The following CAMKMT variants were observed in gnomAD, a reference collection of about 807,000 sequenced individuals.
The protein encoded by CAMKMT is calmodulin-lysine N-methyltransferase.
Under a neutral mutation model 48.0 loss-of-function variants are expected in CAMKMT, and 53 were observed. That is an observed-to-expected ratio of 1.10 (90% confidence interval 0.89 to 1.39). CAMKMT has a LOEUF of 1.39. Among genes scored for constraint, CAMKMT ranks in the 40% most tolerant of loss-of-function variants. The pLI is 0.00. For synonymous variants in CAMKMT, 165 were observed against 152.3 expected (o/e 1.08, Z -0.61); for missense variants, 428 against 402.7 (o/e 1.06, Z -0.54).
chr2:44,471,499 T>C (rs1572593457), intron 3 of CAMKMT, among the ~76,000 whole-genome samples: 1 of 151,046 alleles, frequency 6.6e-6, no homozygotes, highest in Non-Finnish European at 1.5e-5. Context: ...ACTAGGGAGG[T>C]TGAGGTAGGT....
chr2:44,376,592 G>T (rs1360390964), intron 2 of CAMKMT, among the ~76,000 whole-genome samples: 1 of 152,010 alleles, frequency 6.6e-6, no homozygotes, highest in African/African-American at 2.4e-5. Context: ...TATTAGTTTT[G>T]TCTATCTTAA....
chr2:44,666,467 T>C (rs1674974955), intron 3 of CAMKMT, among the ~76,000 whole-genome samples: 1 of 152,094 alleles, frequency 6.6e-6, no homozygotes, highest in Admixed American at 6.6e-5. Flanking sequence ...CAGCCTGGTG[T>C]CCTTAACTTC....
At chr2:44,730,289 T>A (rs1679011979) in intron 7 of CAMKMT, among the ~76,000 whole-genome samples, 1 of 152,226 alleles carries the variant, frequency 6.6e-6, no homozygotes. Flanking sequence ...TAAGATCACA[T>A]GCAGTTCCAC....
intron 3 of CAMKMT, among the ~76,000 whole-genome samples, chr2:44,524,227 T>TA (rs1193460748): frequency 6.6e-6 from 1 of 151,976 alleles, no homozygotes; most frequent in Non-Finnish European, 1.5e-5. Flanking sequence ...ACATAGAATA[T>TA]AAAAAAATTG....
At chr2:44,548,694 C>T (rs921797659) in intron 3 of CAMKMT, among the ~76,000 whole-genome samples, 6 of 152,122 alleles carry the variant, frequency 3.9e-5, no homozygotes, top group African/African-American at 1.4e-4. Flanking sequence ...GAAGGATTTG[C>T]TGGCTTGAAG....
In CAMKMT at chr2:44,672,465, T is replaced by C. The variant is rs922550110; in HGVS notation, c.377-31818T>C. On this transcript the variant is annotated intron_variant, in intron 3 of 10. Transcript: ENST00000378494. ...ACATTTGCTGAGCCCCTCTTGAATT[T>C]ACTTTTGCAGAACAAGACCATTTGT... is the stretch of plus-strand genomic sequence containing the variant. Among the ~76,000 whole-genome samples the C allele has an allele frequency of 3.3e-5, 5 of 152,238 alleles. No individual in the cohort carries two copies. In the South Asian group the frequency reaches 1.0e-3, roughly 31 times the overall value.
chr2:44,652,693 T>C (rs1242101386), intron 3 of CAMKMT, among the ~76,000 whole-genome samples: 1 of 152,196 alleles, frequency 6.6e-6, no homozygotes, highest in East Asian at 1.9e-4. Flanking sequence ...ACAATCAACA[T>C]ATCCTTTAAG....
At chr2:44,434,622 C>T (rs376482268) in intron 3 of CAMKMT, among the ~76,000 whole-genome samples, 1 of 152,008 alleles carries the variant, frequency 6.6e-6, no homozygotes, top group Non-Finnish European at 1.5e-5. Context: ...ATATTGTCTC[C>T]CCAAGATCAA....
chr2:44,496,611 A>G (rs1011590595), intron 3 of CAMKMT, among the ~76,000 whole-genome samples: 5 of 152,250 alleles, frequency 3.3e-5, no homozygotes, highest in Non-Finnish European at 5.9e-5. Context: ...ACTTCTGAAC[A>G]TGAGATAACC....
chr2:44,557,687 T>C (rs1264109394), intron 3 of CAMKMT, among the ~76,000 whole-genome samples: 1 of 152,260 alleles, frequency 6.6e-6, no homozygotes, highest in African/African-American at 2.4e-5. Context: ...AATAGAAGAA[T>C]GGTTAGCACC....
At chr2:44,633,795 C>T (rs1213059178) in intron 3 of CAMKMT, among the ~76,000 whole-genome samples, 1 of 151,990 alleles carries the variant, frequency 6.6e-6, no homozygotes, top group East Asian at 1.9e-4. Flanking sequence ...CTTCTTTAAA[C>T]ATCTAGTAAG....
intron 3 of CAMKMT, among the ~76,000 whole-genome samples, chr2:44,444,190 C>T (rs370826242): frequency 2.0e-4 from 30 of 152,252 alleles, no homozygotes; most frequent in East Asian, 1.4e-3. Flanking sequence ...TTCCCAGCAC[C>T]GTGTTGGATA....
Position 44,528,576 on chromosome 2 carries a change from T to A in CAMKMT, c.376+138271T>A, listed in dbSNP as rs149010605. On this transcript the variant is annotated intron_variant, in intron 3 of 10. Coordinates refer to ENST00000378494, the MANE Select transcript of CAMKMT (RefSeq NM_024766.5). ...TGCTAATTCCTTAATACCACCAGAT[T>A]GGTAATCATTATTTAAATTCCCCCA... 5.6e-3 allele frequency among the ~76,000 whole-genome samples: 858 copies of A among 152,338 alleles called. 2 individuals carry two copies. Among genetic ancestry groups the A allele is most frequent in the Non-Finnish European group, 1.0e-2 (680 of 68,020 alleles).
chr2:44,740,242 C>A (rs1460513448), intron 7 of CAMKMT, among the ~76,000 whole-genome samples: 1 of 151,484 alleles, frequency 6.6e-6, no homozygotes, highest in Non-Finnish European at 1.5e-5. Flanking sequence ...GATCCTCCCA[C>A]CTTAGCCTCC....
At chr2:44,565,827 A>G (rs1361557189) in intron 3 of CAMKMT, among the ~76,000 whole-genome samples, 2 of 152,202 alleles carry the variant, frequency 1.3e-5, no homozygotes, top group African/African-American at 2.4e-5. Context: ...AGGTATTACT[A>G]TTTTGACCCT....
intron 3 of CAMKMT, chr2:44,394,916 C>CA (rs1393887301): frequency 4.4e-6 from 2 of 454,646 alleles, no homozygotes; most frequent in South Asian, 3.1e-5. Context: ...CCCAGCTACT[C>CA]AGAAGGCTAA....
At chr2:44,696,793 G>C (rs1676981400) in intron 3 of CAMKMT, among the ~76,000 whole-genome samples, 1 of 151,692 alleles carries the variant, frequency 6.6e-6, no homozygotes. Context: ...GAAAAAAACA[G>C]ACTTTATAAA....
intron 2 of CAMKMT, among the ~76,000 whole-genome samples, chr2:44,375,039 G>A (rs1039421303): frequency 9.9e-5 from 15 of 152,118 alleles, no homozygotes; most frequent in African/African-American, 3.4e-4. Context: ...GCTGAGGCAG[G>A]AGAATCCTTA....
intron 3 of CAMKMT, among the ~76,000 whole-genome samples, chr2:44,622,604 T>C (rs891626229): frequency 6.6e-6 from 1 of 152,270 alleles, no homozygotes; most frequent in African/African-American, 2.4e-5. Context: ...TTTGGTTGTC[T>C]GTTCCTGCAT....
Sources: allele counts gnomAD v4.1 joint callset (sites outside exome capture counted in the v4.1 genomes callset), GRCh38; gene constraint gnomAD v4.1.1; transcripts MANE v1.5; gene names NCBI Gene and HGNC (gene_info 2026-07-23, HGNC 2026-07-21).